FA2H: variants seen among roughly 807,000 people sequenced by gnomAD.
FA2H encodes the protein fatty acid alpha-hydroxylase.
A neutral mutation model predicts 44.9 loss-of-function variants in FA2H; 22 were observed. That is an observed-to-expected ratio of 0.49 (90% confidence interval 0.35 to 0.70). FA2H has a LOEUF of 0.70. Ranked by LOEUF, FA2H falls within the 30% of genes least tolerant of loss-of-function variation. The probability of loss-of-function intolerance (pLI) is 0.01; values close to 1 mark genes in which losing one functional copy is unlikely to be tolerated. For synonymous variants in FA2H, 243 were observed against 213.2 expected, an observed-to-expected ratio of 1.14 and a Z score of -1.22; for missense variants, 501 against 504.9, an observed-to-expected ratio of 0.99 and a Z score of 0.07.
intron 1 of FA2H, among the ~76,000 whole-genome samples, chr16:74,760,725 C>G (rs1863511747): frequency 6.6e-6 from 1 of 152,236 alleles, no homozygotes; most frequent in African/African-American, 2.4e-5. Context: ...AGAGGCCTGA[C>G]TTCAGCCCAG....
Position 74,713,993 on chromosome 16 carries a change from G to A in FA2H, c.*197C>T. 1 of 583,356 alleles carries A rather than the reference G, an allele frequency of 1.7e-6. No individual in the cohort carries two copies. The highest frequency in any genetic ancestry group is 2.8e-5 in the East Asian group (1 of 35,564). 36.1% of individuals were successfully genotyped at this position (583,356 alleles called of 1,614,324 possible). A position where few individuals can be genotyped will look rare whatever the true frequency, so the allele number is the denominator to read the frequency against. On this transcript the variant is annotated 3_prime_UTR_variant, in exon 7 of 7. Coordinates refer to ENST00000219368, the MANE Select transcript of FA2H (RefSeq NM_024306.5). Reference sequence around the variant, plus strand: ...ACCAAGGGCCACCTGGCCACCAAGTGGATGTGACCCTCCTACCAGGGGTCA... The same window carrying A: ...ACCAAGGGCCACCTGGCCACCAAGTAGATGTGACCCTCCTACCAGGGGTCA...
chr16:74,718,623 G>T (rs780389832), intron 5 of FA2H, among the ~76,000 whole-genome samples: 1 of 152,254 alleles, frequency 6.6e-6, no homozygotes, highest in Non-Finnish European at 1.5e-5. Context: ...AGCTCCAGGA[G>T]CGCAAGGCTT....
intron 4 of FA2H, among the ~76,000 whole-genome samples, chr16:74,719,651 C>T (rs1047909806): frequency 3.3e-5 from 5 of 152,096 alleles, no homozygotes; most frequent in African/African-American, 1.2e-4. Context: ...GATCCTTCCA[C>T]CTCAGCTTCT....
chr16:74,736,575 G>T (rs947098596), intron 2 of FA2H, among the ~76,000 whole-genome samples: 1 of 152,248 alleles, frequency 6.6e-6, no homozygotes, highest in South Asian at 2.1e-4. Context: ...TGTCAGGCAG[G>T]GGGCAGGGAC....
chr16:74,718,682 G>T (rs1007912332), intron 5 of FA2H, among the ~76,000 whole-genome samples: 2 of 152,234 alleles, frequency 1.3e-5, no homozygotes, highest in African/African-American at 2.4e-5. Context: ...GCACACAGGA[G>T]GCACTCACTG....
intron 4 of FA2H, among the ~76,000 whole-genome samples, chr16:74,723,125 G>A (rs1013466547): frequency 1.3e-5 from 2 of 152,224 alleles, no homozygotes; most frequent in Admixed American, 1.3e-4. Context: ...GTACTACGTT[G>A]GATTGCAGAG....
intron 1 of FA2H, among the ~76,000 whole-genome samples, chr16:74,768,513 G>T (rs1476246268): frequency 6.6e-6 from 1 of 152,234 alleles, no homozygotes; most frequent in Non-Finnish European, 1.5e-5. Flanking sequence ...CCCCTGGGAT[G>T]CCCCCTTAGA....
intron 4 of FA2H, among the ~76,000 whole-genome samples, chr16:74,719,796 T>C (rs1236901162): frequency 6.6e-6 from 1 of 151,972 alleles, no homozygotes; most frequent in Non-Finnish European, 1.5e-5. Flanking sequence ...ACTCAAGCAA[T>C]TCTCTCGCCT....
chr16:74,767,049 G>A (rs960243858), intron 1 of FA2H, among the ~76,000 whole-genome samples: 1 of 152,058 alleles, frequency 6.6e-6, no homozygotes, highest in African/African-American at 2.4e-5. Flanking sequence ...GGTGGCTCAC[G>A]CCTGTAATCC....
intron 5 of FA2H, chr16:74,716,823 G>A (rs760815533): frequency 1.3e-5 from 6 of 455,518 alleles, no homozygotes; most frequent in African/African-American, 6.0e-5. Context: ...CTGGCAGATT[G>A]CAAAGGAACA....
intron 1 of FA2H, among the ~76,000 whole-genome samples, chr16:74,771,584 C>T (rs1362346594): frequency 5.3e-5 from 8 of 152,056 alleles, no homozygotes; most frequent in Admixed American, 5.2e-4. Flanking sequence ...GATCCACCCG[C>T]CTTACCCTCC....
rs149938587 is a variant in FA2H, at chr16:74,762,245, G to A, written c.270+12241C>T. ...TTTTTAGTAGAGACGGGGTTTCACC[G>A]TATTAGCCAGGGTGGTCTCGATTTC... On this transcript the variant is annotated intron_variant, in intron 1 of 6. Transcript: ENST00000219368. Among the ~76,000 whole-genome samples the A allele has an allele frequency of 9.5e-4, 145 of 152,200 alleles. 1 individual carries two copies. Among genetic ancestry groups the A allele is most frequent in the African/African-American group, 2.0e-3 (81 of 41,526 alleles).
At chr16:74,763,115 G>C (rs986133652) in intron 1 of FA2H, among the ~76,000 whole-genome samples, 1 of 152,164 alleles carries the variant, frequency 6.6e-6, no homozygotes, top group South Asian at 2.1e-4. Context: ...TGTAGGCCTT[G>C]ATCAAACTGA....
intron 4 of FA2H, chr16:74,725,818 A>C (rs1307427570): frequency 3.2e-6 from 1 of 316,114 alleles, no homozygotes; most frequent in Admixed American, 4.4e-5. Context: ...TTCTCTGCTA[A>C]TCTGTGCTGG....
chr16:74,763,343 A>G (rs1962746782), intron 1 of FA2H, among the ~76,000 whole-genome samples: 1 of 152,010 alleles, frequency 6.6e-6, no homozygotes, highest in Admixed American at 6.6e-5. Context: ...CTGCAACCTC[A>G]GCCTCCCAGG....
chr16:74,773,055 T>C lies in FA2H; in HGVS notation c.270+1431A>G, dbSNP rs1962937024. Among the ~76,000 whole-genome samples the C allele has an allele frequency of 5.3e-5, 8 of 152,264 alleles. No homozygotes were observed. The South Asian group carries it at 1.7e-3, about 32-fold the overall frequency. The stretch of plus-strand genomic sequence containing the variant: ...CACACCCGGCTAATTTTGGTATTTT[T>C]TGTAGACACAAGGTCTCCCTATGTT... On this transcript the variant is annotated intron_variant, in intron 1 of 6. Coordinates refer to ENST00000219368, the MANE Select transcript of FA2H (RefSeq NM_024306.5).
intron 1 of FA2H, 69 bp downstream of exon 1, chr16:74,774,417 G>A (rs990555791): frequency 4.5e-5 from 63 of 1,414,532 alleles, no homozygotes; most frequent in Non-Finnish European, 5.5e-5. Flanking sequence ...GCAAGTGAAC[G>A]GGGCTCGCCC....
At position 74,724,999 on chromosome 16, in the gene FA2H, AG is replaced by A. The variant is rs1330544845; in HGVS notation, c.613+1225del. 1.3e-5 allele frequency among the ~76,000 whole-genome samples: 2 copies of A among 152,136 alleles called. 1 individual carries two copies. Among genetic ancestry groups the A allele is most frequent in the Middle Eastern group, 6.3e-3 (2 of 316 alleles). On this transcript the variant is annotated intron_variant, in intron 4 of 6. Coordinates refer to ENST00000219368, the MANE Select transcript of FA2H (RefSeq NM_024306.5). ...GGCCCTGCCACTGTTTGTGATTGTT[AG>A]GGGAGTGCCGGGCGGACAGTGGGTG...
At chr16:74,774,378 G>C (rs1260817322) in intron 1 of FA2H, 108 bp downstream of exon 1, 2 of 1,111,094 alleles carry the variant, frequency 1.8e-6, no homozygotes, top group East Asian at 3.0e-5. Flanking sequence ...AGGGAGGGCA[G>C]AAGCTGTCAC....
Sources: allele counts gnomAD v4.1 joint callset (sites outside exome capture counted in the v4.1 genomes callset), GRCh38; gene constraint gnomAD v4.1.1; transcripts MANE v1.5; gene names NCBI Gene and HGNC (gene_info 2026-07-23, HGNC 2026-07-21).